The following DGKB variants were observed in gnomAD, a reference collection of about 807,000 sequenced individuals.
DGKB encodes diacylglycerol kinase beta.
Under a neutral mutation model 114.3 loss-of-function variants are expected in DGKB, and 67 were observed. That is an observed-to-expected ratio of 0.59 (90% confidence interval 0.48 to 0.72). The LOEUF is 0.72. DGKB is among the 30% of genes least tolerant of loss of function. The pLI is 0.00. For missense variants in DGKB, 907 were observed against 975.2 expected, an observed-to-expected ratio of 0.93 and a Z score of 0.93; for synonymous variants, 398 against 323.1, an observed-to-expected ratio of 1.23 and a Z score of -2.49.
intron 25 of DGKB, among the ~76,000 whole-genome samples, chr7:14,159,974 A>T (rs914030591): frequency 6.6e-6 from 1 of 152,136 alleles, no homozygotes; most frequent in African/African-American, 2.4e-5. Context: ...TGCCTGGCCA[A>T]TCATTGATAT....
At chr7:14,156,803 T>A (rs1783089995) in intron 25 of DGKB, among the ~76,000 whole-genome samples, 1 of 152,194 alleles carries the variant, frequency 6.6e-6, no homozygotes, top group African/African-American at 2.4e-5. Context: ...TTGGCGTATC[T>A]TTATTATACT....
chr7:14,952,897 T>C (rs1474542176), intron 1 of DGKB, among the ~76,000 whole-genome samples: 1 of 152,034 alleles, frequency 6.6e-6, no homozygotes, highest in African/African-American at 2.4e-5. Context: ...TAATTGGAAA[T>C]CTAGAAATAA....
intron 1 of DGKB, among the ~76,000 whole-genome samples, chr7:14,852,526 A>G (rs1849553580): frequency 6.8e-6 from 1 of 146,372 alleles, no homozygotes; most frequent in Non-Finnish European, 1.5e-5. Flanking sequence ...CACTGGAAAA[A>G]GAAAAAGGTT....
intron 23 of DGKB, among the ~76,000 whole-genome samples, chr7:14,239,561 C>T (rs995175247): frequency 1.3e-5 from 2 of 151,900 alleles, no homozygotes; most frequent in African/African-American, 4.8e-5. Flanking sequence ...TTCATTATGT[C>T]CTCTAATCTT....
intron 1 of DGKB, among the ~76,000 whole-genome samples, chr7:14,891,056 T>C (rs1200353984): frequency 1.3e-5 from 2 of 151,346 alleles, no homozygotes; most frequent in Non-Finnish European, 3.0e-5. Context: ...GAGGAAAATA[T>C]GGTAACGTAC....
intron 1 of DGKB, among the ~76,000 whole-genome samples, chr7:14,899,939 A>T (rs1450254862): frequency 2.6e-5 from 4 of 152,112 alleles, no homozygotes; most frequent in African/African-American, 9.7e-5. Flanking sequence ...GCATTCACTA[A>T]ATACGTTGCT....
At chr7:14,692,199 A>G (rs1336538455) in intron 9 of DGKB, among the ~76,000 whole-genome samples, 1 of 152,034 alleles carries the variant, frequency 6.6e-6, no homozygotes, top group Non-Finnish European at 1.5e-5. Flanking sequence ...CATTTCAAAA[A>G]ATCTCTTGTG....
At chr7:14,783,066 A>G (rs1021325010) in intron 2 of DGKB, among the ~76,000 whole-genome samples, 2 of 152,164 alleles carry the variant, frequency 1.3e-5, no homozygotes, top group Non-Finnish European at 2.9e-5. Flanking sequence ...GCCTTTCTTA[A>G]CTTTCCATTT....
chr7:14,866,079 T>G (rs1851667699), intron 1 of DGKB, among the ~76,000 whole-genome samples: 1 of 152,122 alleles, frequency 6.6e-6, no homozygotes, highest in South Asian at 2.1e-4. Flanking sequence ...AAGAGGAGCA[T>G]AGACTTGTTT....
In DGKB at chr7:14,785,893, C is replaced by CTT. The variant is rs367579936; in HGVS notation, c.71-28164_71-28163dup. ...TCAGACATTAAAGGAAGAAGTTTTT[C>CTT]TTTTTTTTTTTTTGCAAGAGCTGTA... On this transcript the variant is annotated intron_variant, in intron 2 of 25. Coordinates refer to ENST00000402815, the MANE Select transcript of DGKB (RefSeq NM_001350709.2). Among the ~76,000 whole-genome samples, 325 of 140,714 alleles carry CTT rather than the reference C, an allele frequency of 2.3e-3. 2 individuals carry two copies. Among genetic ancestry groups the CTT allele is most frequent in the Non-Finnish European group, 3.4e-3 (215 of 63,820 alleles). 92.3% of individuals were successfully genotyped at this position (140,714 alleles called of 152,430 possible).
At chr7:14,700,344 G>A (rs1824933424) in intron 7 of DGKB, among the ~76,000 whole-genome samples, 1 of 151,592 alleles carries the variant, frequency 6.6e-6, no homozygotes, top group Non-Finnish European at 1.5e-5. Context: ...CTCCCAAGTA[G>A]CTGGGATTAC....
chr7:14,358,759 C>T (rs1421946324), intron 21 of DGKB, among the ~76,000 whole-genome samples: 1 of 152,044 alleles, frequency 6.6e-6, no homozygotes, highest in Admixed American at 6.6e-5. Context: ...TGGGAAGGAC[C>T]TCTTCAAGGA....
intron 13 of DGKB, among the ~76,000 whole-genome samples, chr7:14,670,302 C>T (rs199906636): frequency 8.3e-6 from 1 of 119,780 alleles, no homozygotes; most frequent in East Asian, 4.1e-4. Flanking sequence ...TATATATATA[C>T]ACACACACAT....
At chr7:14,808,239 C>A (rs191372698) in intron 2 of DGKB, among the ~76,000 whole-genome samples, 1 of 151,926 alleles carries the variant, frequency 6.6e-6, no homozygotes, top group Non-Finnish European at 1.5e-5. Flanking sequence ...AAATACTAAT[C>A]CCAAAGGTGA....
intron 20 of DGKB, among the ~76,000 whole-genome samples, chr7:14,568,234 T>C (rs567766235): frequency 1.3e-5 from 2 of 152,320 alleles, no homozygotes; most frequent in South Asian, 2.1e-4. Flanking sequence ...CTTTTATTGA[T>C]GGACCATCAC....
chr7:14,185,011 G>C (rs527275384), intron 23 of DGKB, among the ~76,000 whole-genome samples: 2 of 152,098 alleles, frequency 1.3e-5, no homozygotes, highest in Non-Finnish European at 2.9e-5. Context: ...CATAGTACTG[G>C]AAGTCCTAGT....
chr7:14,937,073 CATCT>C (rs986257582), intron 1 of DGKB, among the ~76,000 whole-genome samples: 3 of 101,490 alleles, frequency 3.0e-5, no homozygotes, highest in African/African-American at 1.0e-4. Flanking sequence ...CACACACACA[CATCT>C]TTTGTTAAAT....
At chr7:14,925,785 T>C (rs1053380229) in intron 1 of DGKB, among the ~76,000 whole-genome samples, 8 of 152,116 alleles carry the variant, frequency 5.3e-5, no homozygotes, top group African/African-American at 1.9e-4. Context: ...TGTTCCAAGG[T>C]ATTGTTTGGT....
At chr7:14,661,362 AAAAC>A (rs1817032699) in intron 13 of DGKB, among the ~76,000 whole-genome samples, 1 of 146,056 alleles carries the variant, frequency 6.8e-6, no homozygotes, top group Non-Finnish European at 1.5e-5. Context: ...TTACAAGAAA[AAAAC>A]AAACAACCCC....
Sources: gnomAD v4.1 joint callset for allele counts (sites outside exome capture counted in the v4.1 genomes callset) on GRCh38, gnomAD v4.1.1 for gene constraint, MANE v1.5 for transcripts, NCBI Gene and HGNC (gene_info 2026-07-23, HGNC 2026-07-21) for gene names.